Variants in ABCB5 observed in about 807,000 individuals in gnomAD.
ABCB5 encodes ATP-binding cassette sub-family B member 5.
In ABCB5, 155 loss-of-function variants were observed where a neutral mutation model predicts 144.2. The observed-to-expected ratio is 1.08, with a 90% confidence interval of 0.94 to 1.23. The LOEUF is 1.23. Among genes scored for constraint, ABCB5 ranks in the 50% most tolerant of loss-of-function variants. The pLI, the probability that ABCB5 is intolerant of heterozygous loss-of-function variation, is 0.00. For missense variants in ABCB5, 1,830 were observed against 1,520.8 expected, an observed-to-expected ratio of 1.20 and a Z score of -3.38; for synonymous variants, 610 against 528.6, an observed-to-expected ratio of 1.15 and a Z score of -2.11.
chr7:20,645,932 G>C (rs1391480841), intron 8 of ABCB5, 29 bp from the exon 9 acceptor site: 1 of 1,612,264 alleles, frequency 6.2e-7, no homozygotes, highest in Admixed American at 1.7e-5. Flanking sequence ...TTCCCCAGTG[G>C]CTACTAAGTT....
At chr7:20,700,949 T>C (rs1272609880) in intron 19 of ABCB5, among the ~76,000 whole-genome samples, 1 of 152,210 alleles carries the variant, frequency 6.6e-6, no homozygotes. Context: ...TTAAGTCTTA[T>C]GACTTTTAGG....
intron 5 of ABCB5, among the ~76,000 whole-genome samples, chr7:20,639,677 T>C (rs935847063): frequency 2.6e-5 from 4 of 152,230 alleles, no homozygotes; most frequent in African/African-American, 9.6e-5. Context: ...TCCGTTTCTG[T>C]TCTCTAGGCT....
In ABCB5 at chr7:20,756,592, G is replaced by C. The variant is rs922193648; in HGVS notation, c.*968G>C. On this transcript the variant is annotated 3_prime_UTR_variant, in exon 28 of 28. Coordinates refer to ENST00000404938, the MANE Select transcript of ABCB5 (RefSeq NM_001163941.2). ...TAGGAGGCAGAGGTTGCAGTGAGCC[G>C]AGATCTCACCACTGCACTCCAGCCT... The C allele has an allele frequency of 6.6e-6, 1 of 151,110 alleles. No individual in the cohort carries two copies. Among genetic ancestry groups the C allele is most frequent in the Non-Finnish European group, 1.5e-5 (1 of 67,756 alleles). 9.4% of individuals were successfully genotyped at this position (151,110 alleles called of 1,614,324 possible). A position where few individuals can be genotyped will look rare whatever the true frequency, so the allele number is the denominator to read the frequency against.
rs764897350 is a variant in ABCB5, at chr7:20,628,798, T to C, written c.219T>C (p.Ser73=). 1.9e-6 allele frequency: 3 copies of C among 1,613,744 alleles called. No individual in the cohort carries two copies. Among genetic ancestry groups the C allele is most frequent in the South Asian group, 1.1e-5 (1 of 91,062 alleles). Residue 73 remains serine, a synonymous_variant, in exon 4 of 28, where the codon AGT becomes AGC. Coordinates refer to ENST00000404938, the MANE Select transcript of ABCB5 (RefSeq NM_001163941.2). The part of the protein sequence containing the change: ...PLMPLVLGEM[S]DNLISGCLVQ... ...TGCCACTGGTTTTAGGAGAAATGAG[T>C]GATAACCTTATTAGTGGATGTCTAG...
intron 14 of ABCB5, chr7:20,659,425 C>CT: frequency 1.7e-6 from 2 of 1,148,854 alleles, no homozygotes; most frequent in Non-Finnish European, 1.1e-6. Flanking sequence ...TCGCAGGCTT[C>CT]TTTTTTTAAA....
intron 5 of ABCB5, among the ~76,000 whole-genome samples, chr7:20,635,838 A>G (rs150921884): frequency 3.3e-5 from 5 of 152,302 alleles, no homozygotes; most frequent in Non-Finnish European, 7.4e-5. Context: ...AGACCATATC[A>G]TCAGCAAATA....
intron 14 of ABCB5, among the ~76,000 whole-genome samples, chr7:20,667,842 C>T (rs1274241426): frequency 7.1e-6 from 1 of 141,240 alleles, no homozygotes; most frequent in Non-Finnish European, 1.6e-5. Flanking sequence ...CTGCCTCAGC[C>T]TGCCGAGTGC....
At chr7:20,680,260 G>C (rs1199345687) in intron 14 of ABCB5, among the ~76,000 whole-genome samples, 1 of 152,028 alleles carries the variant, frequency 6.6e-6, no homozygotes, top group African/African-American at 2.4e-5. Flanking sequence ...GTATAGGTGA[G>C]TGCTAAGAGT....
Position 20,651,432 on chromosome 7 carries a change from G to A in ABCB5, c.1345G>A (p.Glu449Lys), listed in dbSNP as rs1784582145. The change falls in exon 13 of 28, where the codon GAG (glutamate) becomes AAG (lysine). Residue 449 changes from glutamate (E) to lysine (K), a missense_variant. Physicochemically the swap from Glu to Lys is moderately conservative, Grantham distance 56. Coordinates refer to ENST00000404938, the MANE Select transcript of ABCB5 (RefSeq NM_001163941.2). ...TTTGGATTGGCAGATCATGGTGGAT[G>A]AGAATGACATCAGAGCTTTAAATGT... ...DPDDGFIMVD[E>K]NDIRALNVRH... 1 of 1,614,050 alleles carries A rather than the reference G, an allele frequency of 6.2e-7. No homozygotes were observed.
chr7:20,667,755 T>A (rs1052859869), intron 14 of ABCB5, among the ~76,000 whole-genome samples: 5 of 118,498 alleles, frequency 4.2e-5, no homozygotes, highest in Non-Finnish European at 7.0e-5. Flanking sequence ...CTCTGCCTCG[T>A]CTCCCTCTGA....
At chr7:20,660,890 T>A (rs73684676) in intron 14 of ABCB5, among the ~76,000 whole-genome samples, 16,231 of 152,188 alleles carry the variant, frequency 0.11, 1,041 homozygotes, top group South Asian at 0.18. Context: ...TAGTCATTTA[T>A]CTTCCACTTA....
chr7:20,755,314 G>T, intron 27 of ABCB5, 113 bp from the exon 28 acceptor site: 1 of 860,962 alleles, frequency 1.2e-6, no homozygotes, highest in East Asian at 2.6e-5. Flanking sequence ...AGTTCCTTTG[G>T]GGACAAGCAA....
At chr7:20,683,053 T>A (rs1785878917) in intron 15 of ABCB5, among the ~76,000 whole-genome samples, 1 of 152,200 alleles carries the variant, frequency 6.6e-6, no homozygotes. Context: ...CCCTTTTTGG[T>A]CTTCTTCAGC....
At chr7:20,660,297 C>T (rs1337041260) in intron 14 of ABCB5, 2 of 984,710 alleles carry the variant, frequency 2.0e-6, no homozygotes, top group African/African-American at 3.5e-5. Flanking sequence ...AGCTATGTGG[C>T]ATAATTATGG....
At chr7:20,688,624 T>C (rs1786088022) in intron 16 of ABCB5, among the ~76,000 whole-genome samples, 1 of 152,196 alleles carries the variant, frequency 6.6e-6, no homozygotes, top group Non-Finnish European at 1.5e-5. Context: ...ACTGGGTATA[T>C]ACCCCAAGGA....
At chr7:20,745,540 T>C (rs1433535576) in intron 26 of ABCB5, 102 bp downstream of exon 26, 4 of 1,026,268 alleles carry the variant, frequency 3.9e-6, no homozygotes, top group East Asian at 2.6e-5. Flanking sequence ...GATTATACAA[T>C]GTATTTATTG....
chr7:20,663,885 T>C (rs1019325551), intron 14 of ABCB5, among the ~76,000 whole-genome samples: 1 of 151,974 alleles, frequency 6.6e-6, no homozygotes, highest in Non-Finnish European at 1.5e-5. Flanking sequence ...CCGGCTAATT[T>C]TTATATTTTT....
In ABCB5 at chr7:20,727,098, C is replaced by T. The variant is rs779140312; in HGVS notation, c.2684C>T (p.Ala895Val). The T allele has an allele frequency of 1.2e-6, 2 of 1,613,594 alleles. No individual in the cohort carries two copies. Among genetic ancestry groups the T allele is most frequent in the African/African-American group, 1.3e-5 (1 of 75,008 alleles). ...RTIVSLTREK[A>V]FEQMYEEMLQ... is the part of the protein sequence containing the mutation. ...ATAGTGTCATTAACAAGGGAAAAAG[C>T]CTTCGAGCAAATGTATGAAGAGATG... The change falls in exon 22 of 28, where the codon GCC (alanine) becomes GTC (valine). Residue 895 changes from alanine to valine, a missense_variant. By Grantham distance (64) the Ala-to-Val change is moderately conservative (BLOSUM62 0). Transcript: ENST00000404938.
At chr7:20,650,571 T>C (rs921166704) in intron 12 of ABCB5, among the ~76,000 whole-genome samples, 7 of 144,534 alleles carry the variant, frequency 4.8e-5, no homozygotes, top group East Asian at 2.0e-4. Context: ...TTCTTTTCCT[T>C]TTTTTTTTTT....
Sources: gnomAD v4.1 joint callset for allele counts (sites outside exome capture counted in the v4.1 genomes callset) on GRCh38, gnomAD v4.1.1 for gene constraint, MANE v1.5 for transcripts, NCBI Gene and HGNC (gene_info 2026-07-23, HGNC 2026-07-21) for gene names.